PCBP2: variants seen among roughly 807,000 people sequenced by gnomAD.
PCBP2 encodes poly(rC)-binding protein 2.
Under a neutral mutation model 50.1 loss-of-function variants are expected in PCBP2, and 4 were observed. The ratio of observed to expected loss-of-function variants is 0.08; its 90% CI spans 0.04 to 0.18. PCBP2 has a LOEUF of 0.18. Among genes scored for constraint, PCBP2 ranks in the 10% least tolerant of loss-of-function variants. PCBP2 has a pLI of 1.00. For missense variants in PCBP2, 161 were observed against 474.3 expected (o/e 0.34, Z 6.14); for synonymous variants, 179 against 168.0 (o/e 1.07, Z -0.51).
At chr12:53,464,715 C>A (rs1186108318) in intron 8 of PCBP2, 45 bp from the exon 9 acceptor site, 3 of 1,597,020 alleles carry the variant, frequency 1.9e-6, no homozygotes, top group Non-Finnish European at 2.6e-6. Context: ...TGACAAGGTG[C>A]CGGATTGACA....
chr12:53,470,603 GTT>G (rs1013107004), intron 13 of PCBP2, among the ~76,000 whole-genome samples: 1 of 151,686 alleles, frequency 6.6e-6, no homozygotes, highest in Non-Finnish European at 1.5e-5. Flanking sequence ...AAAGACAAGA[GTT>G]TCGCCATGAA....
rs1275235575 is a variant in PCBP2 at position 53,479,678 on chromosome 12, T to TTTTTTTTTGTTTTTTTG, written c.*241_*242insTTTGTTTTTTTGTTTTT. The TTTTTTTTTGTTTTTTTG allele has an allele frequency of 5.1e-6, 2 of 389,154 alleles. No individual in the cohort carries two copies. The highest frequency in any genetic ancestry group is 9.2e-6 in the Non-Finnish European group (2 of 218,084). The allele number at this position is 389,154 out of a possible 1,614,324, so 24.1% of individuals were successfully genotyped here. ...TTTATAAGCTTCTCCCTGGTTTTTT[T>TTTTTTTTTGTTTTTTTG]TTTTTGGCTCATGAATTTTTCTGTT... is the stretch of plus-strand genomic sequence containing the variant. On this transcript the variant is annotated 3_prime_UTR_variant, in exon 15 of 15. Coordinates refer to ENST00000546463, the MANE Select transcript of PCBP2 (RefSeq NM_031989.5).
chr12:53,454,686 T>C, intron 1 of PCBP2, 40 bp from the exon 2 acceptor site: 1 of 729,752 alleles, frequency 1.4e-6, no homozygotes, highest in Non-Finnish European at 2.5e-6. Context: ...AATAACCTTG[T>C]TGTTTTCCTC....
intron 13 of PCBP2, 84 bp from the exon 14 acceptor site, chr12:53,471,554 A>G (rs1419805897): frequency 3.2e-5 from 39 of 1,232,708 alleles, no homozygotes; most frequent in Non-Finnish European, 3.8e-5. Context: ...CCACAGTCGT[A>G]GGATTTGGGG....
intron 1 of PCBP2, chr12:53,454,522 A>C (rs1266387673): frequency 7.8e-6 from 3 of 385,796 alleles, no homozygotes; most frequent in Non-Finnish European, 1.4e-5. Flanking sequence ...TAATGAGAGG[A>C]ACTGGAAAGT....
intron 13 of PCBP2, among the ~76,000 whole-genome samples, chr12:53,470,472 G>A (rs372093254): frequency 5.4e-5 from 8 of 149,330 alleles, no homozygotes; most frequent in Non-Finnish European, 8.9e-5. Flanking sequence ...AGGCATGATC[G>A]TGGCTCACTG....
chr12:53,458,290 CGTTTTT>C (rs952421873), intron 5 of PCBP2, among the ~76,000 whole-genome samples: 5 of 133,136 alleles, frequency 3.8e-5, no homozygotes, highest in Admixed American at 7.7e-5. Flanking sequence ...TTATATCTTT[CGTTTTT>C]GTTTTTGTTT....
At chr12:53,452,966 GT>G (rs1318827185) in intron 1 of PCBP2, 3 of 152,118 alleles carry the variant, frequency 2.0e-5, no homozygotes, top group African/African-American at 7.2e-5. Flanking sequence ...TAATCAGGAC[GT>G]TTCTCGGGGT....
chr12:53,472,426 T>C (rs1942304669), intron 14 of PCBP2, among the ~76,000 whole-genome samples: 1 of 152,222 alleles, frequency 6.6e-6, no homozygotes, highest in Non-Finnish European at 1.5e-5. Context: ...TTTATTTCCC[T>C]TATCCATAGC....
At chr12:53,461,207 T>C (rs1941422458) in intron 7 of PCBP2, 64 bp downstream of exon 7, 3 of 1,562,010 alleles carry the variant, frequency 1.9e-6, no homozygotes, top group African/African-American at 2.7e-5. Flanking sequence ...GGGACTGATC[T>C]ATATTTAGTA....
chr12:53,453,366 A>G (rs1171837687), intron 1 of PCBP2: 2 of 152,160 alleles, frequency 1.3e-5, no homozygotes, highest in African/African-American at 2.4e-5. Context: ...TTCTTCCCCC[A>G]CCAAGCACTA....
chr12:53,463,755 G>GTGC (rs1941615152), intron 8 of PCBP2, among the ~76,000 whole-genome samples: 1 of 152,220 alleles, frequency 6.6e-6, no homozygotes, highest in African/African-American at 2.4e-5. Context: ...GCCTAAGCAA[G>GTGC]TGCGTTGCTC....
chr12:53,469,820 T>G (rs1459583437), intron 13 of PCBP2, among the ~76,000 whole-genome samples: 1 of 150,034 alleles, frequency 6.7e-6, no homozygotes. Flanking sequence ...TGGCTCACTG[T>G]GACCTCCGTC....
intron 10 of PCBP2, among the ~76,000 whole-genome samples, chr12:53,466,958 C>T (rs940491509): frequency 2.6e-5 from 4 of 152,120 alleles, no homozygotes; most frequent in African/African-American, 4.8e-5. Flanking sequence ...GGGGGATGGT[C>T]GTTGGGCAAG....
chr12:53,472,573 G>A (rs567171661), intron 14 of PCBP2, among the ~76,000 whole-genome samples: 8 of 152,162 alleles, frequency 5.3e-5, no homozygotes, highest in Non-Finnish European at 1.2e-4. Flanking sequence ...TCAAAGCATT[G>A]TTAGCCTTGA....
chr12:53,474,643 A>G (rs1942453450), intron 14 of PCBP2, among the ~76,000 whole-genome samples: 1 of 152,178 alleles, frequency 6.6e-6, no homozygotes, highest in Admixed American at 6.5e-5. Flanking sequence ...CTTTTTCTTC[A>G]CCATAGCAGT....
At chr12:53,462,031 G>C (rs1212218417) in intron 7 of PCBP2, among the ~76,000 whole-genome samples, 1 of 152,126 alleles carries the variant, frequency 6.6e-6, no homozygotes, top group African/African-American at 2.4e-5. Flanking sequence ...TTTTCAAGTA[G>C]AGATTAGAAA....
intron 12 of PCBP2, chr12:53,468,070 C>G (rs1941940999): frequency 1.9e-6 from 1 of 531,240 alleles, no homozygotes; most frequent in Non-Finnish European, 3.3e-6. Context: ...CAGGACTAAG[C>G]TTGAGTGTTA....
rs548591716 is a variant in PCBP2 at position 53,471,613 on chromosome 12, G to A, written c.883-25G>A. On this transcript the variant is annotated intron_variant, in intron 13 of 14. Transcript: ENST00000546463. Reference sequence around the variant, plus strand: ...TAGCCATGCAACTCTAATTCGGTGTGCCTTGTTTTTCTTTCTCCCTTAAGT... The same window carrying A: ...TAGCCATGCAACTCTAATTCGGTGTACCTTGTTTTTCTTTCTCCCTTAAGT... 3.6e-5 allele frequency: 58 copies of A among 1,597,364 alleles called. No homozygotes were observed. In the Admixed American group the frequency reaches 6.7e-4, roughly 18 times the overall value.
Sources: gnomAD v4.1 joint callset for allele counts (sites outside exome capture counted in the v4.1 genomes callset) on GRCh38, gnomAD v4.1.1 for gene constraint, MANE v1.5 for transcripts, NCBI Gene and HGNC (gene_info 2026-07-23, HGNC 2026-07-21) for gene names.